Variants in CGAS observed in about 807,000 individuals in gnomAD.
CGAS encodes the protein cyclic GMP-AMP synthase.
Under a neutral mutation model 34.0 loss-of-function variants are expected in CGAS, and 31 were observed. The observed-to-expected ratio is 0.91, with a 90% confidence interval of 0.69 to 1.23. CGAS has a LOEUF of 1.23. Among genes scored for constraint, CGAS ranks in the 50% most tolerant of loss-of-function variants. The pLI is 0.00. For missense variants in CGAS, 597 were observed against 657.6 expected, an observed-to-expected ratio of 0.91 and a Z score of 1.01; for synonymous variants, 266 against 260.0, an observed-to-expected ratio of 1.02 and a Z score of -0.22.
chr6:73,446,734 C>CA (rs1195262271), intron 1 of CGAS, among the ~76,000 whole-genome samples: 88 of 498 alleles, frequency 0.18, 32 homozygotes, highest in Non-Finnish European at 0.2. Flanking sequence ...GACTCCGTCT[C>CA]AAAAAAAAAA....
At chr6:73,429,936 A>T (rs1290504031) in intron 3 of CGAS, among the ~76,000 whole-genome samples, 2 of 152,138 alleles carry the variant, frequency 1.3e-5, no homozygotes, top group African/African-American at 4.8e-5. Context: ...TTATAATCTG[A>T]ATGATTTTTC....
In CGAS at chr6:73,449,508, C is replaced by CACACACACACACACACACACAA. The variant is rs569310062; in HGVS notation, c.657+2016_657+2017insTTGTGTGTGTGTGTGTGTGTGT. Among the ~76,000 whole-genome samples the CACACACACACACACACACACAA allele has an allele frequency of 9.5e-4, 143 of 150,474 alleles. 1 individual carries two copies. Among genetic ancestry groups the CACACACACACACACACACACAA allele is most frequent in the South Asian group, 5.5e-3 (26 of 4,686 alleles). On this transcript the variant is annotated intron_variant, in intron 1 of 4. Coordinates refer to ENST00000370315, the MANE Select transcript of CGAS (RefSeq NM_138441.3). ...ACACACACACACACACACACACACA[C>CACACACACACACACACACACAA]AAAGTGGTTCTGAATGGAGACTGTC...
chr6:73,442,556 A>G lies in CGAS; in HGVS notation c.878-2111T>C, dbSNP rs1441518193. 2.3e-5 allele frequency among the ~76,000 whole-genome samples: 3 copies of G among 128,660 alleles called. No homozygotes were observed. In the East Asian group the frequency reaches 6.7e-4, roughly 29 times the overall value. The allele number at this position is 128,660 out of a possible 152,430, so 84.4% of individuals were successfully genotyped here. ...GCTGGGACCACAGGCACATGCCACCACTCCTGGCTAATTAAAAAAATGTTT... is the reference window on the plus strand; with the variant it reads ...GCTGGGACCACAGGCACATGCCACCGCTCCTGGCTAATTAAAAAAATGTTT... On this transcript the variant is annotated intron_variant, in intron 2 of 4. Coordinates refer to ENST00000370315, the MANE Select transcript of CGAS (RefSeq NM_138441.3).
At chr6:73,449,920 G>A (rs1770534290) in intron 1 of CGAS, among the ~76,000 whole-genome samples, 1 of 151,840 alleles carries the variant, frequency 6.6e-6, no homozygotes, top group Non-Finnish European at 1.5e-5. Context: ...GCTTGAACCT[G>A]GAAGCCGGAG....
At chr6:73,438,550 G>A (rs568507890) in intron 3 of CGAS, among the ~76,000 whole-genome samples, 1 of 152,076 alleles carries the variant, frequency 6.6e-6, no homozygotes, top group Non-Finnish European at 1.5e-5. Context: ...ACAAAAATTA[G>A]CCTCGCGTGG....
intron 1 of CGAS, among the ~76,000 whole-genome samples, chr6:73,447,896 G>A (rs984200943): frequency 2.0e-5 from 3 of 151,868 alleles, no homozygotes; most frequent in African/African-American, 7.3e-5. Flanking sequence ...GTTTATATGT[G>A]AAGCCAATCA....
Position 73,425,247 on chromosome 6 carries a change from G to T in CGAS, c.1549C>A (p.Pro517Thr). Residue 517 changes from proline to threonine, a missense_variant, in exon 5 of 5, where the codon CCA becomes ACA. Around this residue, in one of 3 missense-constraint regions of CGAS, gnomAD observed 271 missense variants for 324.1 expected, o/e 0.84. Coordinates refer to ENST00000370315, the MANE Select transcript of CGAS (RefSeq NM_138441.3). ...CAATCTCAAAATTCATCAAAAACTG[G>T]AAACTCATTGTTTCTTTCATATTCA... ...QIEYERNNEFPVFDEF is the reference protein window; with the variant it reads ...QIEYERNNEFTVFDEF 6.3e-7 allele frequency: 1 copy of T among 1,582,922 alleles called. No homozygotes were observed.
intron 2 of CGAS, among the ~76,000 whole-genome samples, chr6:73,445,040 C>T (rs544167158): frequency 2.6e-5 from 4 of 151,948 alleles, no homozygotes; most frequent in Non-Finnish European, 5.9e-5. Flanking sequence ...TCCTGTGGTA[C>T]ATCAACATCA....
chr6:73,448,996 G>T (rs1384816743), intron 1 of CGAS, among the ~76,000 whole-genome samples: 1 of 151,970 alleles, frequency 6.6e-6, no homozygotes, highest in Non-Finnish European at 1.5e-5. Flanking sequence ...GGCTGAGGCA[G>T]GAGACTCACT....
rs1770043559 is a variant in CGAS at position 73,424,190 on chromosome 6, T to C, written c.*1037A>G. 6.6e-6 allele frequency: 1 copy of C among 152,194 alleles called. No homozygotes were observed. The highest frequency in any genetic ancestry group is 6.6e-5 in the Admixed American group (1 of 15,260). 9.4% of individuals were successfully genotyped at this position (152,194 alleles called of 1,614,324 possible). Reference sequence around the variant, plus strand: ...TGGCTCACACCTGTAATCCCAGCACTTTGGGAGGCCAAGGCGGGCGGATCA... The same window carrying C: ...TGGCTCACACCTGTAATCCCAGCACCTTGGGAGGCCAAGGCGGGCGGATCA... On this transcript the variant is annotated 3_prime_UTR_variant, in exon 5 of 5. Coordinates refer to ENST00000370315, the MANE Select transcript of CGAS (RefSeq NM_138441.3).
intron 1 of CGAS, among the ~76,000 whole-genome samples, chr6:73,449,998 A>AAAAGAAG (rs1409368708): frequency 6.6e-6 from 1 of 151,956 alleles, no homozygotes; most frequent in South Asian, 2.1e-4. Flanking sequence ...CTCCATCAAA[A>AAAAGAAG]AAAGAAGAAA....
intron 1 of CGAS, 23 bp from the exon 2 acceptor site, chr6:73,445,770 C>T: frequency 6.8e-7 from 1 of 1,480,300 alleles, no homozygotes; most frequent in South Asian, 1.2e-5. Context: ...AAAAATAGTA[C>T]TGAAATATTT....
At position 73,425,401 on chromosome 6, in the gene CGAS, A is replaced by G. The variant is rs780680169; in HGVS notation, c.1395T>C (p.Asp465=). The change falls in exon 5 of 5, where the codon GAT becomes GAC. Residue 465 remains aspartate, a synonymous_variant. Coordinates refer to ENST00000370315, the MANE Select transcript of CGAS (RefSeq NM_138441.3). The stretch of plus-strand genomic sequence containing the variant: ...ACTGAAGAAAGTATGTCACGCAGTT[A>G]TCAAAGCAGAGGCCCAGGTCTTTGC... ...WDRKDLGLCF[D]NCVTYFLQCL... 9.3e-6 allele frequency: 15 copies of G among 1,613,812 alleles called. No homozygotes were observed. The Admixed American group carries it at 2.3e-4, about 25-fold the overall frequency.
At chr6:73,427,911 C>T (rs534993386) in intron 4 of CGAS, among the ~76,000 whole-genome samples, 1 of 152,022 alleles carries the variant, frequency 6.6e-6, no homozygotes, top group South Asian at 2.1e-4. Flanking sequence ...TTTCTGGGCT[C>T]GAGCCATTCT....
Position 73,451,743 on chromosome 6 carries a change from G to A in CGAS, c.439C>T (p.Pro147Ser), listed in dbSNP as rs772844829. The A allele has an allele frequency of 9.9e-6, 16 of 1,610,942 alleles. No individual in the cohort carries two copies. ...GPWDVPSPGL[P>S]VSAPILVRRD... ...CGTACGAGAATGGGGGCCGAGACCG[G>A]CAGGCCGGGGCTGGGCACGTCCCAG... The change falls in exon 1 of 5, where the codon CCG (proline) becomes TCG (serine). Residue 147 changes from proline to serine, a missense_variant. Physicochemically the swap from Pro to Ser is moderately conservative, Grantham distance 74. Coordinates refer to ENST00000370315, the MANE Select transcript of CGAS (RefSeq NM_138441.3).
chr6:73,450,491 T>C (rs1169103437), intron 1 of CGAS, among the ~76,000 whole-genome samples: 1 of 151,608 alleles, frequency 6.6e-6, no homozygotes, highest in Non-Finnish European at 1.5e-5. Context: ...CACGCTCCAG[T>C]CAGGAACCTG....
intron 2 of CGAS, among the ~76,000 whole-genome samples, chr6:73,442,108 A>G (rs1467058692): frequency 1.3e-5 from 2 of 151,998 alleles, no homozygotes; most frequent in Non-Finnish European, 2.9e-5. Flanking sequence ...CTTGAGCTCA[A>G]ATGATCTGCC....
chr6:73,440,554 A>G, intron 2 of CGAS, 109 bp from the exon 3 acceptor site: 1 of 980,742 alleles, frequency 1.0e-6, no homozygotes, highest in Non-Finnish European at 1.5e-6. Context: ...GCTAAGTATG[A>G]AGTAAACATT....
chr6:73,450,613 G>C (rs1023466664), intron 1 of CGAS, among the ~76,000 whole-genome samples: 8 of 152,066 alleles, frequency 5.3e-5, no homozygotes, highest in African/African-American at 1.9e-4. Flanking sequence ...TATCTAGAAA[G>C]CGTTTTAGTA....
Sources: gnomAD v4.1 joint callset for allele counts (sites outside exome capture counted in the v4.1 genomes callset) on GRCh38, gnomAD v4.1.1 for gene constraint, gnomAD v4.1.1 regional missense constraint, MANE v1.5 for transcripts, NCBI Gene and HGNC (gene_info 2026-07-23, HGNC 2026-07-21) for gene names.